The following SYT16 variants were observed in gnomAD, a reference collection of about 807,000 sequenced individuals.
The protein encoded by SYT16 is synaptotagmin 16.
SYT16 carries 42 observed loss-of-function variants against 61.4 expected under a neutral mutation model. The observed-to-expected ratio is 0.68, with a 90% confidence interval of 0.53 to 0.89. The LOEUF is 0.89. Among genes scored for constraint, SYT16 ranks in the 40% least tolerant of loss-of-function variants. The pLI is 0.00. For synonymous variants in SYT16, 314 were observed against 302.3 expected, an observed-to-expected ratio of 1.04 and a Z score of -0.40; for missense variants, 804 against 807.3, an observed-to-expected ratio of 1.00 and a Z score of 0.05.
chr14:61,978,622 C>T (rs971888972), intron 2 of SYT16, among the ~76,000 whole-genome samples: 3 of 152,112 alleles, frequency 2.0e-5, no homozygotes, highest in African/African-American at 4.8e-5. Context: ...AGGTGGAGAA[C>T]CATTGATGAA....
chr14:61,875,845 C>T (rs545999409), intron 1 of SYT16, among the ~76,000 whole-genome samples: 2 of 152,280 alleles, frequency 1.3e-5, no homozygotes, highest in African/African-American at 4.8e-5. Context: ...CACTGGGGTG[C>T]GTATGTCTGA....
At chr14:62,098,960 C>G (rs1215505108) in intron 7 of SYT16, among the ~76,000 whole-genome samples, 1 of 152,004 alleles carries the variant, frequency 6.6e-6, no homozygotes, top group Non-Finnish European at 1.5e-5. Context: ...GTGGGGATGT[C>G]AGAGCATGGG....
intron 3 of SYT16, among the ~76,000 whole-genome samples, chr14:62,013,093 A>T (rs932723405): frequency 6.6e-6 from 1 of 152,222 alleles, no homozygotes; most frequent in Non-Finnish European, 1.5e-5. Flanking sequence ...ACCTTAACTT[A>T]TGGTAGACTT....
chr14:62,049,415 G>C (rs571087034), intron 3 of SYT16, among the ~76,000 whole-genome samples: 17 of 152,110 alleles, frequency 1.1e-4, no homozygotes, highest in African/African-American at 2.9e-4. Context: ...ATTGATGGGT[G>C]TTGACTCTTT....
At chr14:62,041,488 C>G (rs1254925) in intron 3 of SYT16, among the ~76,000 whole-genome samples, 73,745 of 152,012 alleles carry the variant, frequency 0.49, 18,224 homozygotes, top group Middle Eastern at 0.6. Flanking sequence ...TAATTTTCAT[C>G]AAATACAGAA....
At chr14:61,819,881 A>G (rs900485946) in intron 1 of SYT16, among the ~76,000 whole-genome samples, 1 of 152,226 alleles carries the variant, frequency 6.6e-6, no homozygotes, top group Admixed American at 6.5e-5. Context: ...AGGAATTACA[A>G]GGAGTAAAAG....
intron 3 of SYT16, among the ~76,000 whole-genome samples, chr14:62,064,829 T>C (rs1432729041): frequency 2.0e-5 from 3 of 152,178 alleles, no homozygotes; most frequent in African/African-American, 4.8e-5. Context: ...AGTTAACATA[T>C]GTCAAGCAGT....
intron 2 of SYT16, among the ~76,000 whole-genome samples, chr14:61,976,053 C>T (rs569271738): frequency 2.0e-5 from 3 of 152,214 alleles, no homozygotes; most frequent in Non-Finnish European, 4.4e-5. Flanking sequence ...AGAAATTGGC[C>T]AAAACAAAGG....
At chr14:61,938,692 A>G (rs2050087241) in intron 1 of SYT16, among the ~76,000 whole-genome samples, 1 of 152,230 alleles carries the variant, frequency 6.6e-6, no homozygotes, top group Non-Finnish European at 1.5e-5. Flanking sequence ...ATGAGAAACC[A>G]TTAACACCAG....
At chr14:61,919,415 C>T (rs1174246184) in intron 1 of SYT16, among the ~76,000 whole-genome samples, 4 of 152,180 alleles carry the variant, frequency 2.6e-5, no homozygotes, top group East Asian at 1.9e-4. Flanking sequence ...TTCAAAAGTT[C>T]GAGACTCATC....
chr14:61,865,927 T>C (rs932512227), intron 1 of SYT16, among the ~76,000 whole-genome samples: 2 of 152,220 alleles, frequency 1.3e-5, no homozygotes, highest in African/African-American at 4.8e-5. Flanking sequence ...TCTTACGAAA[T>C]TGATCACAGA....
At chr14:61,907,744 C>G (rs1391345770) in intron 1 of SYT16, among the ~76,000 whole-genome samples, 2 of 152,216 alleles carry the variant, frequency 1.3e-5, no homozygotes, top group African/African-American at 2.4e-5. Context: ...TTATGAATCA[C>G]ACAGGTAACT....
chr14:61,911,729 C>T (rs547978487), intron 1 of SYT16, among the ~76,000 whole-genome samples: 1 of 152,166 alleles, frequency 6.6e-6, no homozygotes, highest in Non-Finnish European at 1.5e-5. Flanking sequence ...AAGTGGGGCT[C>T]TCTGAGCTGT....
At chr14:61,821,725 G>C (rs1331573048) in intron 1 of SYT16, among the ~76,000 whole-genome samples, 1 of 152,186 alleles carries the variant, frequency 6.6e-6, no homozygotes, top group Non-Finnish European at 1.5e-5. Flanking sequence ...CTCTTGGCTA[G>C]TAGCAAGTCA....
intron 3 of SYT16, among the ~76,000 whole-genome samples, chr14:62,000,099 ATTTTTT>A: frequency 6.3e-4 from 12 of 18,958 alleles, no homozygotes; most frequent in African/African-American, 3.1e-3. Flanking sequence ...TTGTCTCTCG[ATTTTTT>A]TTTTTTTTTT....
intron 1 of SYT16, among the ~76,000 whole-genome samples, chr14:61,904,385 G>C (rs760629174): frequency 2.0e-5 from 3 of 152,200 alleles, no homozygotes; most frequent in Non-Finnish European, 4.4e-5. Flanking sequence ...GGCAGGAGCA[G>C]CTCAGTGTAA....
intron 1 of SYT16, among the ~76,000 whole-genome samples, chr14:61,930,987 G>C (rs1035292422): frequency 2.6e-5 from 4 of 152,172 alleles, no homozygotes; most frequent in Admixed American, 6.5e-5. Flanking sequence ...CTGACCTACA[G>C]AACTGTAAGA....
At chr14:62,044,446 C>T (rs1227614121) in intron 3 of SYT16, among the ~76,000 whole-genome samples, 1 of 151,958 alleles carries the variant, frequency 6.6e-6, no homozygotes, top group African/African-American at 2.4e-5. Flanking sequence ...TGTTCTCCCT[C>T]CCCTTGCCTC....
Position 62,075,394 on chromosome 14 carries a change from A to T in SYT16, c.993+3A>T. On this transcript the variant is annotated splice_donor_region_variant and intron_variant, in intron 5 of 7. Transcript: ENST00000683842. ...GCTCCTCCATGTGGAGTCCAGAGGC[A>T]AGTTATTTGTTTTTCATTCTTTCAT... The T allele has an allele frequency of 6.3e-7, 1 of 1,592,626 alleles. No homozygotes were observed. The highest frequency in any genetic ancestry group is 8.6e-7 in the Non-Finnish European group (1 of 1,163,550).
Sources: gnomAD v4.1 joint callset for allele counts (sites outside exome capture counted in the v4.1 genomes callset) on GRCh38, gnomAD v4.1.1 for gene constraint, MANE v1.5 for transcripts, NCBI Gene and HGNC (gene_info 2026-07-23, HGNC 2026-07-21) for gene names.